The following VWA8 variants were observed in gnomAD, a reference collection of about 807,000 sequenced individuals.
VWA8 encodes von Willebrand factor A domain-containing protein 8.
In VWA8, 221 loss-of-function variants were observed where a neutral mutation model predicts 241.5. That is an observed-to-expected ratio of 0.91 (90% CI 0.82 to 1.02). The LOEUF (loss-of-function observed/expected upper bound fraction) is 1.02, where lower values mean the gene tolerates loss of function less well. VWA8 is among the 50% of genes least tolerant of loss of function. VWA8 has a pLI of 0.00. For synonymous variants in VWA8, 852 were observed against 827.1 expected (o/e 1.03, Z -0.52); for missense variants, 2,322 against 2,328.7 (o/e 1.00, Z 0.06).
At chr13:41,619,851 A>G (rs35984869) in intron 37 of VWA8, among the ~76,000 whole-genome samples, 1 of 152,026 alleles carries the variant, frequency 6.6e-6, no homozygotes, top group Non-Finnish European at 1.5e-5. Flanking sequence ...GCTTTTTGAC[A>G]TGCTGCTGGA....
intron 17 of VWA8, among the ~76,000 whole-genome samples, chr13:41,801,228 A>G (rs2875454): frequency 0.72 from 109,617 of 151,752 alleles, 40,648 homozygotes; most frequent in East Asian, 0.89. Context: ...GAATGCTTTG[A>G]AAGTCCAAAA....
At chr13:41,669,254 T>A (rs527855455) in intron 37 of VWA8, among the ~76,000 whole-genome samples, 1 of 152,246 alleles carries the variant, frequency 6.6e-6, no homozygotes, top group Admixed American at 6.5e-5. Flanking sequence ...TCTTGAGATG[T>A]TAGATCCATA....
At chr13:41,765,423 T>A (rs957026000) in intron 20 of VWA8, among the ~76,000 whole-genome samples, 1 of 152,180 alleles carries the variant, frequency 6.6e-6, no homozygotes, top group African/African-American at 2.4e-5. Context: ...TGCTTACTAC[T>A]TCATTTTAAG....
chr13:41,952,080 G>A (rs1001849458), intron 1 of VWA8, among the ~76,000 whole-genome samples: 25 of 152,238 alleles, frequency 1.6e-4, no homozygotes, highest in Admixed American at 4.6e-4. Context: ...TTAACTCTTT[G>A]TCTTCACGCA....
At chr13:41,952,982 A>G (rs1355539691) in intron 1 of VWA8, among the ~76,000 whole-genome samples, 2 of 152,114 alleles carry the variant, frequency 1.3e-5, no homozygotes, top group East Asian at 3.9e-4. Flanking sequence ...TGTGTTAGGA[A>G]GCCTCCTTCT....
intron 17 of VWA8, among the ~76,000 whole-genome samples, chr13:41,793,088 T>G (rs1002078005): frequency 6.6e-6 from 1 of 152,180 alleles, no homozygotes; most frequent in African/African-American, 2.4e-5. Context: ...TAAGAATATT[T>G]GCTGTAAATT....
chr13:41,870,643 A>T (rs1414269242), intron 9 of VWA8, among the ~76,000 whole-genome samples: 1 of 151,868 alleles, frequency 6.6e-6, no homozygotes, highest in Non-Finnish European at 1.5e-5. Context: ...CTCAAAAAAA[A>T]AAAAAAAAAG....
chr13:41,960,569 A>G (rs1593899610), intron 1 of VWA8, among the ~76,000 whole-genome samples: 1 of 152,324 alleles, frequency 6.6e-6, no homozygotes, highest in East Asian at 1.9e-4. Flanking sequence ...CTGGGGGTAA[A>G]GGCAGCGGCA....
intron 37 of VWA8, among the ~76,000 whole-genome samples, chr13:41,619,454 C>G (rs573778793): frequency 7.7e-4 from 117 of 152,226 alleles, no homozygotes; most frequent in Middle Eastern, 3.4e-3. Flanking sequence ...GATTGAATAC[C>G]CTTTATTTCC....
At chr13:41,903,541 G>T (rs1875559023) in intron 4 of VWA8, among the ~76,000 whole-genome samples, 1 of 152,120 alleles carries the variant, frequency 6.6e-6, no homozygotes, top group Non-Finnish European at 1.5e-5. Flanking sequence ...GGTAGGCATG[G>T]CCAGTGGCTA....
chr13:41,818,407 A>G (rs1870796119), intron 15 of VWA8, among the ~76,000 whole-genome samples: 1 of 151,722 alleles, frequency 6.6e-6, no homozygotes, highest in Non-Finnish European at 1.5e-5. Flanking sequence ...CCCCGTCTCT[A>G]CTAAAAATAG....
intron 37 of VWA8, among the ~76,000 whole-genome samples, chr13:41,662,427 A>G (rs1341706640): frequency 3.9e-5 from 6 of 152,014 alleles, no homozygotes. Context: ...ATGTATTTTT[A>G]AATTTTAATT....
intron 5 of VWA8, among the ~76,000 whole-genome samples, chr13:41,887,904 T>C (rs1326201867): frequency 1.3e-5 from 2 of 152,244 alleles, no homozygotes; most frequent in Non-Finnish European, 1.5e-5. Context: ...CCTTTTTATA[T>C]GAATGAATGA....
intron 37 of VWA8, among the ~76,000 whole-genome samples, chr13:41,662,031 A>G (rs543347356): frequency 6.6e-6 from 1 of 152,224 alleles, no homozygotes; most frequent in South Asian, 2.1e-4. Flanking sequence ...CACTGTCTTG[A>G]TTATTGTAGT....
At chr13:41,824,558 T>C (rs1176878583) in intron 14 of VWA8, among the ~76,000 whole-genome samples, 3 of 152,066 alleles carry the variant, frequency 2.0e-5, no homozygotes, top group Non-Finnish European at 2.9e-5. Context: ...ATGGGTGCAG[T>C]GTCTCATGCC....
intron 2 of VWA8, among the ~76,000 whole-genome samples, chr13:41,933,127 G>A (rs1054595945): frequency 2.6e-5 from 4 of 151,808 alleles, no homozygotes; most frequent in Non-Finnish European, 5.9e-5. Context: ...ACTAATAAGC[G>A]AGTTTTGCAC....
At chr13:41,929,136 C>T (rs1186025860) in intron 2 of VWA8, among the ~76,000 whole-genome samples, 2 of 150,498 alleles carry the variant, frequency 1.3e-5, no homozygotes, top group Non-Finnish European at 3.0e-5. Context: ...GGAAACATCA[C>T]ACTTCTTGAC....
intron 37 of VWA8, among the ~76,000 whole-genome samples, chr13:41,619,548 A>T (rs2044643434): frequency 6.6e-6 from 1 of 152,128 alleles, no homozygotes; most frequent in Non-Finnish European, 1.5e-5. Context: ...GTCTTGTGCC[A>T]GTTTTCAAAG....
intron 37 of VWA8, among the ~76,000 whole-genome samples, chr13:41,641,034 G>A (rs531195246): frequency 2.3e-4 from 35 of 152,038 alleles, no homozygotes; most frequent in Admixed American, 1.1e-3. Context: ...CCTGATTTCC[G>A]ATAACCACTG....
Sources: gnomAD v4.1 joint callset for allele counts (sites outside exome capture counted in the v4.1 genomes callset) on GRCh38, gnomAD v4.1.1 for gene constraint, MANE v1.5 for transcripts, NCBI Gene and HGNC (gene_info 2026-07-23, HGNC 2026-07-21) for gene names.